Variants in NOL4 observed in about 807,000 individuals in gnomAD.
NOL4 encodes cancer/testis antigen 125.
In NOL4, 17 loss-of-function variants were observed where a neutral mutation model predicts 75.9. The observed-to-expected ratio is 0.22, with a 90% CI of 0.15 to 0.34. The LOEUF is 0.34. NOL4 is among the 10% of genes least tolerant of loss of function. The probability of loss-of-function intolerance (pLI) is 1.00; values close to 1 mark genes in which losing one functional copy is unlikely to be tolerated. For missense variants in NOL4, 614 were observed against 793.5 expected (o/e 0.77, Z 2.72); for synonymous variants, 292 against 289.9 (o/e 1.01, Z -0.07).
chr18:34,164,609 G>A (rs1465634868), intron 1 of NOL4, among the ~76,000 whole-genome samples: 2 of 152,106 alleles, frequency 1.3e-5, no homozygotes, highest in Non-Finnish European at 2.9e-5. Context: ...TGGAGAGGAT[G>A]TGGAGAAATA....
chr18:33,919,073 T>C (rs146001784), intron 9 of NOL4, among the ~76,000 whole-genome samples: 2 of 152,134 alleles, frequency 1.3e-5, no homozygotes, highest in Non-Finnish European at 2.9e-5. Flanking sequence ...TGGAGCAGTG[T>C]TTTTTAGGAC....
At chr18:33,896,167 GA>G (rs1191427388) in intron 9 of NOL4, among the ~76,000 whole-genome samples, 2 of 152,030 alleles carry the variant, frequency 1.3e-5, no homozygotes, top group African/African-American at 4.8e-5. Context: ...CAAACAAATG[GA>G]AAAACTTCTC....
intron 1 of NOL4, among the ~76,000 whole-genome samples, chr18:34,156,250 T>C (rs1378714750): frequency 1.3e-5 from 2 of 152,180 alleles, no homozygotes; most frequent in African/African-American, 2.4e-5. Flanking sequence ...CCATATACTG[T>C]GTGTTATATG....
chr18:33,901,852 A>T (rs1362556020), intron 9 of NOL4, among the ~76,000 whole-genome samples: 1 of 152,080 alleles, frequency 6.6e-6, no homozygotes, highest in Non-Finnish European at 1.5e-5. Context: ...TGATATGGAG[A>T]TTATTTAAAA....
chr18:34,116,820 G>T (rs142377053), intron 2 of NOL4, among the ~76,000 whole-genome samples: 5 of 151,986 alleles, frequency 3.3e-5, no homozygotes, highest in Non-Finnish European at 5.9e-5. Flanking sequence ...AAAAAATAAC[G>T]GAAAATAATT....
intron 5 of NOL4, among the ~76,000 whole-genome samples, chr18:34,037,522 G>T (rs1203637261): frequency 2.0e-5 from 3 of 151,960 alleles, no homozygotes; most frequent in Admixed American, 6.6e-5. Flanking sequence ...TATATTACAA[G>T]GCAATAGTAA....
intron 10 of NOL4, among the ~76,000 whole-genome samples, chr18:33,853,778 GTATT>G (rs1215566372): frequency 2.6e-5 from 4 of 151,866 alleles, no homozygotes; most frequent in Non-Finnish European, 4.4e-5. Flanking sequence ...TGTCATCTCT[GTATT>G]TATTTGCACA....
At chr18:33,926,290 G>A (rs976641983) in intron 9 of NOL4, among the ~76,000 whole-genome samples, 13 of 146,998 alleles carry the variant, frequency 8.8e-5, no homozygotes, top group Non-Finnish European at 1.3e-4. Flanking sequence ...AACCTGGGAG[G>A]CAGAGGTTGT....
chr18:33,929,315 T>C (rs923440331), intron 9 of NOL4, among the ~76,000 whole-genome samples: 1 of 152,110 alleles, frequency 6.6e-6, no homozygotes, highest in African/African-American at 2.4e-5. Flanking sequence ...AACACCTCAT[T>C]TGTATGGAAT....
intron 5 of NOL4, among the ~76,000 whole-genome samples, chr18:34,024,874 G>T (rs541958904): frequency 1.6e-4 from 24 of 152,146 alleles, no homozygotes; most frequent in Non-Finnish European, 3.1e-4. Flanking sequence ...ATAAAGGCTA[G>T]AAATCTTGGT....
At chr18:34,106,696 C>T (rs1304508069) in intron 2 of NOL4, among the ~76,000 whole-genome samples, 1 of 151,498 alleles carries the variant, frequency 6.6e-6, no homozygotes, top group African/African-American at 2.4e-5. Flanking sequence ...TTCATTTTCT[C>T]TCTCTTTCCC....
At chr18:33,987,299 A>T (rs558619411) in intron 6 of NOL4, among the ~76,000 whole-genome samples, 2 of 152,206 alleles carry the variant, frequency 1.3e-5, no homozygotes, top group South Asian at 4.1e-4. Context: ...ATCATACAGC[A>T]GTTGGAAAGT....
chr18:34,021,174 G>C (rs1156615391), intron 5 of NOL4, among the ~76,000 whole-genome samples: 2 of 152,148 alleles, frequency 1.3e-5, no homozygotes, highest in Non-Finnish European at 2.9e-5. Flanking sequence ...CTTCAACAAG[G>C]TCACAGATAA....
At chr18:34,222,104 C>T (rs1406333224) in intron 1 of NOL4, 2 of 1,534,582 alleles carry the variant, frequency 1.3e-6, no homozygotes, top group African/African-American at 1.4e-5. Flanking sequence ...TGAAGAAAAT[C>T]GACGCTGCTG....
intron 5 of NOL4, among the ~76,000 whole-genome samples, chr18:34,069,545 C>T (rs1294252720): frequency 6.6e-6 from 1 of 151,732 alleles, no homozygotes; most frequent in African/African-American, 2.4e-5. Flanking sequence ...ATCTAAGAAG[C>T]TCAACAAACA....
At chr18:34,041,908 C>T (rs1318983985) in intron 5 of NOL4, among the ~76,000 whole-genome samples, 1 of 151,722 alleles carries the variant, frequency 6.6e-6, no homozygotes, top group African/African-American at 2.4e-5. Flanking sequence ...ATAGATTTTA[C>T]TAAAAGGTAT....
intron 8 of NOL4, among the ~76,000 whole-genome samples, chr18:33,955,868 A>C (rs1176035514): frequency 6.6e-6 from 1 of 152,114 alleles, no homozygotes; most frequent in Non-Finnish European, 1.5e-5. Flanking sequence ...ATAGATTGAG[A>C]TTATTAAATT....
chr18:33,944,235 AC>A (rs1277248498), intron 8 of NOL4, among the ~76,000 whole-genome samples: 2 of 151,868 alleles, frequency 1.3e-5, no homozygotes, highest in Non-Finnish European at 2.9e-5. Flanking sequence ...ACTAATTGAG[AC>A]CTTTTGAATT....
chr18:33,995,403 G>T (rs989117611), intron 6 of NOL4, among the ~76,000 whole-genome samples: 1 of 151,460 alleles, frequency 6.6e-6, no homozygotes, highest in Non-Finnish European at 1.5e-5. Context: ...GAATATAATT[G>T]TACCTATTAT....
Sources: allele counts gnomAD v4.1 joint callset (sites outside exome capture counted in the v4.1 genomes callset), GRCh38; gene constraint gnomAD v4.1.1; transcripts MANE v1.5; gene names NCBI Gene and HGNC (gene_info 2026-07-23, HGNC 2026-07-21).